Variants in PLA2G6 observed in about 807,000 individuals in gnomAD.
PLA2G6 encodes phospholipase A2 group VI, also known as 85/88 kDa calcium-independent phospholipase A2.
Under a neutral mutation model 83.8 loss-of-function variants are expected in PLA2G6, and 62 were observed. The observed-to-expected ratio is 0.74, with a 90% CI of 0.60 to 0.91. The LOEUF (loss-of-function observed/expected upper bound fraction) is 0.91, where lower values mean the gene tolerates loss of function less well. Ranked by LOEUF, PLA2G6 falls within the 40% of genes least tolerant of loss-of-function variation. The probability of loss-of-function intolerance (pLI) is 0.00; values close to 1 mark genes in which losing one functional copy is unlikely to be tolerated. For synonymous variants in PLA2G6, 417 were observed against 449.8 expected, an observed-to-expected ratio of 0.93 and a Z score of 0.92; for missense variants, 944 against 1,102.0, an observed-to-expected ratio of 0.86 and a Z score of 2.03.
At chr22:38,125,032 A>G (rs1305176019) in intron 10 of PLA2G6, among the ~76,000 whole-genome samples, 3 of 152,148 alleles carry the variant, frequency 2.0e-5, no homozygotes, top group Non-Finnish European at 4.4e-5. Flanking sequence ...GAATCTGGGG[A>G]ATCTGCTTTT....
At chr22:38,135,106 T>G in intron 5 of PLA2G6, 22 bp from the exon 6 acceptor site, 1 of 1,576,650 alleles carries the variant, frequency 6.3e-7, no homozygotes, top group Non-Finnish European at 8.7e-7. Context: ...GGGGCCCCGG[T>G]TGGTGAGCAG....
At chr22:38,169,644 G>T (rs2090358423) in intron 1 of PLA2G6, among the ~76,000 whole-genome samples, 173 bp from the exon 2 acceptor site, 1 of 152,214 alleles carries the variant, frequency 6.6e-6, no homozygotes, top group African/African-American at 2.4e-5. Context: ...AACACTGAGT[G>T]GGAGGTAAAA....
intron 5 of PLA2G6, 134 bp from the exon 6 acceptor site, chr22:38,135,218 C>A (rs1202294220): frequency 4.3e-6 from 3 of 691,092 alleles, no homozygotes; most frequent in Non-Finnish European, 7.9e-6. Context: ...ACCCAACCAG[C>A]ACACTCACCA....
chr22:38,161,530 T>C (rs1399842327), intron 2 of PLA2G6, among the ~76,000 whole-genome samples: 10 of 151,832 alleles, frequency 6.6e-5, no homozygotes, highest in Admixed American at 1.3e-4. Flanking sequence ...AAAAAATATA[T>C]AGTAGAAAAG....
intron 9 of PLA2G6, among the ~76,000 whole-genome samples, chr22:38,127,729 TG>T (rs2087952809): frequency 2.6e-5 from 4 of 152,128 alleles, no homozygotes; most frequent in Admixed American, 2.6e-4. Context: ...AGAAGGGTCC[TG>T]TCTAGTCTGG....
At chr22:38,166,233 G>A (rs535712763) in intron 2 of PLA2G6, among the ~76,000 whole-genome samples, 2 of 152,310 alleles carry the variant, frequency 1.3e-5, no homozygotes, top group South Asian at 4.1e-4. Flanking sequence ...CTGAGGAGGG[G>A]GAGATTGACC....
intron 5 of PLA2G6, chr22:38,136,740 C>CTTTTT (rs35788613): frequency 9.3e-5 from 11 of 118,538 alleles, no homozygotes; most frequent in East Asian, 2.3e-4. Context: ...CTCAATAAAG[C>CTTTTT]TTTTTTTTTT....
intron 2 of PLA2G6, among the ~76,000 whole-genome samples, chr22:38,157,087 C>A (rs1602227637): frequency 6.6e-6 from 1 of 151,592 alleles, no homozygotes. Context: ...CAAACCAAAC[C>A]CAAAATTAGT....
At chr22:38,114,720 C>T (rs1224566542) in intron 14 of PLA2G6, among the ~76,000 whole-genome samples, 3 of 152,172 alleles carry the variant, frequency 2.0e-5, no homozygotes, top group Non-Finnish European at 2.9e-5. Context: ...CTGCCCAGGA[C>T]GCCCTGGGGC....
rs1177215131 is a variant in PLA2G6 at position 38,135,075 on chromosome 22, C to T, written c.807G>A (p.Glu269=). ...GGCTGCTGTCCATGCTGATGATCATCTCCGCACACCTGGTGAGAGAGGGGC... is the reference window on the plus strand; with the variant it reads ...GGCTGCTGTCCATGCTGATGATCATTTCCGCACACCTGGTGAGAGAGGGGC... The part of the protein sequence containing the change: ...AMKFSQKGCA[E]MIISMDSSQI... The change falls in exon 6 of 17, where the codon GAG becomes GAA. Residue 269 remains glutamate (E), a synonymous_variant. Coordinates refer to ENST00000332509, the MANE Select transcript of PLA2G6 (RefSeq NM_003560.4). The T allele has an allele frequency of 6.2e-7, 1 of 1,606,854 alleles. No individual in the cohort carries two copies. Among genetic ancestry groups the T allele is most frequent in the Admixed American group, 1.7e-5 (1 of 59,750 alleles).
intron 4 of PLA2G6, chr22:38,141,955 G>A: frequency 6.6e-6 from 1 of 152,040 alleles, no homozygotes; most frequent in East Asian, 1.9e-4. Context: ...GGCATTTTGG[G>A]AGGCTGAGGC....
At chr22:38,115,818 C>A in intron 13 of PLA2G6, 137 bp from the exon 14 acceptor site, 1 of 1,478,252 alleles carries the variant, frequency 6.8e-7, no homozygotes, top group South Asian at 1.4e-5. Flanking sequence ...AGAAGCAGGA[C>A]CCACGAAGCC....
In PLA2G6 at chr22:38,112,272, C is replaced by T. The variant is rs2086907789; in HGVS notation, c.2310G>A (p.Leu770=). ...LNPQLGTDIM[L]DEVSDTVLVN... The stretch of plus-strand genomic sequence containing the variant: ...CCAGCACTGTGTCACTGACCTCATC[C>T]AGCATGATGTCCGTCCCCAGCTGGG... The change falls in exon 17 of 17, where the codon CTG becomes CTA. Residue 770 remains leucine (L), a synonymous_variant. Coordinates refer to ENST00000332509, the MANE Select transcript of PLA2G6 (RefSeq NM_003560.4). 1.9e-6 allele frequency: 3 copies of T among 1,613,694 alleles called. No individual in the cohort carries two copies. The highest frequency in any genetic ancestry group is 2.5e-6 in the Non-Finnish European group (3 of 1,179,896).
In PLA2G6 at chr22:38,112,457, A is replaced by G. The variant is rs571458275; in HGVS notation, c.2276+47T>C. ...TGGGAGGGGAAGGTCGGTGAGTCCG[A>G]CCACGCCAGGGCACGGGGCCAAGGG... is the stretch of plus-strand genomic sequence containing the variant. On this transcript the variant is annotated intron_variant, in intron 16 of 16. Coordinates refer to ENST00000332509, the MANE Select transcript of PLA2G6 (RefSeq NM_003560.4). 1.2e-4 allele frequency: 187 copies of G among 1,524,712 alleles called. No individual in the cohort carries two copies. In the Middle Eastern group the frequency reaches 3.7e-3, roughly 31 times the overall value. The allele number at this position is 1,524,712 out of a possible 1,614,324, so 94.4% of individuals were successfully genotyped here.
chr22:38,172,526 T>C (rs1251643543), intron 1 of PLA2G6, among the ~76,000 whole-genome samples: 1 of 152,268 alleles, frequency 6.6e-6, no homozygotes, highest in African/African-American at 2.4e-5. Context: ...TTTTGTTTTT[T>C]CCTTTTCCCT....
At chr22:38,117,001 G>A (rs1327170317) in intron 12 of PLA2G6, among the ~76,000 whole-genome samples, 1 of 151,910 alleles carries the variant, frequency 6.6e-6, no homozygotes, top group African/African-American at 2.4e-5. Context: ...CGAGTGGTCA[G>A]TCTCACAACC....
chr22:38,169,156 C>T, intron 2 of PLA2G6, 62 bp downstream of exon 2: 1 of 1,320,144 alleles, frequency 7.6e-7, no homozygotes, highest in Admixed American at 1.8e-5. Flanking sequence ...CCAATAAGAC[C>T]TCCAATCCGA....
In PLA2G6 at chr22:38,140,380, C is replaced by T. The variant is rs536602793; in HGVS notation, c.610-211G>A. The stretch of plus-strand genomic sequence containing the variant: ...AAAATTAGCCGGGCATGGTGGCAGG[C>T]ACCTGTAATCCCAGCTACTCAGGAA... On this transcript the variant is annotated intron_variant, in intron 4 of 16. Transcript: ENST00000332509. 3.6e-4 allele frequency: 192 copies of T among 534,850 alleles called. 4 individuals are homozygous for T. Among genetic ancestry groups the T allele is most frequent in the East Asian group, 2.8e-3 (79 of 28,516 alleles). The allele number at this position is 534,850 out of a possible 1,614,324, so 33.1% of individuals were successfully genotyped here. A position where few individuals can be genotyped will look rare whatever the true frequency, so the allele number is the denominator to read the frequency against.
chr22:38,114,935 C>A (rs11570755), intron 14 of PLA2G6, among the ~76,000 whole-genome samples: 1 of 152,190 alleles, frequency 6.6e-6, no homozygotes, highest in African/African-American at 2.4e-5. Context: ...CCGCGCTCGC[C>A]CACCCCGGTC....
Sources: allele counts gnomAD v4.1 joint callset (sites outside exome capture counted in the v4.1 genomes callset), GRCh38; gene constraint gnomAD v4.1.1; transcripts MANE v1.5; gene names NCBI Gene and HGNC (gene_info 2026-07-23, HGNC 2026-07-21).